SMG6: variants seen among roughly 807,000 people sequenced by gnomAD.
The protein encoded by SMG6 is telomerase-binding protein EST1A.
Under a neutral mutation model 142.2 loss-of-function variants are expected in SMG6, and 66 were observed. The observed-to-expected ratio is 0.46, with a 90% CI of 0.38 to 0.57. SMG6 has a LOEUF of 0.57. Ranked by LOEUF, SMG6 falls within the 20% of genes least tolerant of loss-of-function variation. The probability of loss-of-function intolerance (pLI) is 0.00; values close to 1 mark genes in which losing one functional copy is unlikely to be tolerated. For synonymous variants in SMG6, 779 were observed against 702.4 expected, an observed-to-expected ratio of 1.11 and a Z score of -1.72; for missense variants, 1,793 against 1,832.0, an observed-to-expected ratio of 0.98 and a Z score of 0.39.
At chr17:2,235,202 A>ATGGCC (rs2073615243) in intron 10 of SMG6, among the ~76,000 whole-genome samples, 1 of 152,210 alleles carries the variant, frequency 6.6e-6, no homozygotes, top group Non-Finnish European at 1.5e-5. Flanking sequence ...CATTTACCCA[A>ATGGCC]ATAGCCATCT....
At chr17:2,151,802 T>C (rs530817579) in intron 13 of SMG6, among the ~76,000 whole-genome samples, 3 of 152,238 alleles carry the variant, frequency 2.0e-5, no homozygotes, top group East Asian at 1.9e-4. Context: ...AAGAGACCCA[T>C]GGTGAGTATG....
chr17:2,273,607 C>T (rs543425145), intron 8 of SMG6, among the ~76,000 whole-genome samples: 95 of 151,928 alleles, frequency 6.3e-4, no homozygotes, highest in Admixed American at 1.3e-3. Context: ...CACTCCAGCC[C>T]GGGCAACAGT....
At position 2,186,797 on chromosome 17, in the gene SMG6, T is replaced by C. The variant is rs761395062; in HGVS notation, c.3021A>G (p.Gln1007=). Residue 1007 remains glutamine, a synonymous_variant, in exon 12 of 19, where the codon CAA becomes CAG. Coordinates refer to ENST00000263073, the MANE Select transcript of SMG6 (RefSeq NM_017575.5). ...CAAAGGAAGACACCTTGATGTCGTCTTGGTCATCCTGGTCCTCAGGAGAGG... is the reference window on the plus strand; with the variant it reads ...CAAAGGAAGACACCTTGATGTCGTCCTGGTCATCCTGGTCCTCAGGAGAGG... ...QLSSPEDQDD[Q]DDIKVSSFVP... is the part of the protein sequence containing the mutation. The C allele has an allele frequency of 1.2e-6, 2 of 1,614,088 alleles. No homozygotes were observed. The highest frequency in any genetic ancestry group is 1.3e-5 in the African/African-American group (1 of 74,944).
At chr17:2,084,619 C>T (rs1249048497) in intron 14 of SMG6, among the ~76,000 whole-genome samples, 1 of 152,242 alleles carries the variant, frequency 6.6e-6, no homozygotes, top group Non-Finnish European at 1.5e-5. Context: ...CTGTTGCTGA[C>T]TTCATCCCTG....
rs979088333 is a variant in SMG6, at chr17:2,110,970, G to T, written c.3358-25069C>A. 2.0e-5 allele frequency among the ~76,000 whole-genome samples: 3 copies of T among 152,304 alleles called. No individual in the cohort carries two copies. In the South Asian group the frequency reaches 6.2e-4, roughly 32 times the overall value. ...GAGCTGCCTGGTACATCTGAAGGCC[G>T]CTACGCCCACCTTCAGTGCCAGTTT... is the stretch of plus-strand genomic sequence containing the variant. On this transcript the variant is annotated intron_variant, in intron 13 of 18. Coordinates refer to ENST00000263073, the MANE Select transcript of SMG6 (RefSeq NM_017575.5).
At chr17:2,165,566 C>A (rs1470219542) in intron 13 of SMG6, among the ~76,000 whole-genome samples, 1 of 152,166 alleles carries the variant, frequency 6.6e-6, no homozygotes, top group Non-Finnish European at 1.5e-5. Flanking sequence ...ATTTTAGAGT[C>A]TTTTGTATTT....
intron 13 of SMG6, among the ~76,000 whole-genome samples, chr17:2,090,297 G>C (rs2068682105): frequency 6.6e-6 from 1 of 152,044 alleles, no homozygotes; most frequent in African/African-American, 2.4e-5. Context: ...TGCCCGGCGG[G>C]GGAGGGGGGT....
At chr17:2,162,152 T>C (rs191338214) in intron 13 of SMG6, among the ~76,000 whole-genome samples, 1 of 152,312 alleles carries the variant, frequency 6.6e-6, no homozygotes, top group African/African-American at 2.4e-5. Flanking sequence ...TGGAAATATA[T>C]ATTTATTGCT....
chr17:2,303,187 G>A (rs1334768042), intron 1 of SMG6: 1 of 985,324 alleles, frequency 1.0e-6, no homozygotes, highest in African/African-American at 1.7e-5. Flanking sequence ...CAACGAAGTC[G>A]CAGGCTCTTA....
In SMG6 at chr17:2,198,950, TAAA is replaced by T. The variant is rs55660022; in HGVS notation, c.2870-10438_2870-10436del. 1.8e-3 allele frequency among the ~76,000 whole-genome samples: 181 copies of T among 102,104 alleles called. 2 individuals are homozygous for T. The highest frequency in any genetic ancestry group is 2.2e-3 in the East Asian group (7 of 3,244). 67.0% of individuals were successfully genotyped at this position (102,104 alleles called of 152,430 possible). On this transcript the variant is annotated intron_variant, in intron 10 of 18. Transcript: ENST00000263073. ...AACCAGAAGGAAAATAAAATAAAAT[TAAA>T]AAAAAAAAAAAAAAAAAAAAAGAAA... is the stretch of plus-strand genomic sequence containing the variant.
At chr17:2,079,253 C>T (rs916488056) in intron 15 of SMG6, among the ~76,000 whole-genome samples, 2 of 152,208 alleles carry the variant, frequency 1.3e-5, no homozygotes, top group Non-Finnish European at 2.9e-5. Context: ...CGTGAGCCAC[C>T]GTGCCTGGCC....
At chr17:2,230,920 T>C (rs216212) in intron 10 of SMG6, among the ~76,000 whole-genome samples, 93,801 of 151,568 alleles carry the variant, frequency 0.62, 29,318 homozygotes, top group East Asian at 0.74. Flanking sequence ...CAGGTGGCAA[T>C]GATTCCCTAC....
intron 10 of SMG6, among the ~76,000 whole-genome samples, chr17:2,193,659 G>C (rs183173118): frequency 6.6e-6 from 1 of 152,152 alleles, no homozygotes; most frequent in African/African-American, 2.4e-5. Flanking sequence ...ATCCTGTCTG[G>C]GAGAAGAAGA....
In SMG6 at chr17:2,068,639, G is replaced by C; in HGVS notation, c.3835+139C>G. 2.5e-6 allele frequency: 2 copies of C among 797,014 alleles called. No individual in the cohort carries two copies. The highest frequency in any genetic ancestry group is 3.9e-6 in the Non-Finnish European group (2 of 512,430). 49.4% of individuals were successfully genotyped at this position (797,014 alleles called of 1,614,324 possible). On this transcript the variant is annotated intron_variant, in intron 16 of 18. Coordinates refer to ENST00000263073, the MANE Select transcript of SMG6 (RefSeq NM_017575.5). The surrounding 1 kb of genome is among the most constrained non-coding windows in gnomAD (Gnocchi z 6.7). ...TATTAAACAGTTTTCTTTGCCCCAC[G>C]CGTTCCCTACTCCCCTGCAAATCCC...
intron 12 of SMG6, among the ~76,000 whole-genome samples, chr17:2,186,294 A>G (rs749515996): frequency 8.6e-5 from 13 of 152,024 alleles, no homozygotes; most frequent in Non-Finnish European, 1.8e-4. Flanking sequence ...AGAAAAACTA[A>G]TAAGAGAAGA....
chr17:2,282,604 T>A, intron 8 of SMG6, 43 bp downstream of exon 8: 1 of 1,593,616 alleles, frequency 6.3e-7, no homozygotes, highest in Non-Finnish European at 8.6e-7. Context: ...CACCCAGGCT[T>A]ACTGAGCTAG....
At chr17:2,128,914 A>G (rs1357120923) in intron 13 of SMG6, among the ~76,000 whole-genome samples, 1 of 152,162 alleles carries the variant, frequency 6.6e-6, no homozygotes, top group Non-Finnish European at 1.5e-5. Flanking sequence ...GCATGCAAGC[A>G]GCAGAGTAAA....
In SMG6 at chr17:2,065,092, G is replaced by A. The variant is rs916654576; in HGVS notation, c.4110C>T (p.Asp1370=). Residue 1370 remains aspartate (D), a synonymous_variant, in exon 18 of 19, where the codon GAC becomes GAT. Transcript: ENST00000263073. ...CLHYCKDKAK[D]FMPASKEEPI... Reference sequence around the variant, plus strand: ...CTGTACCTTTGCTGGCGGGCATGAAGTCCTTAGCCTTGTCTTTGCAGTAGT... The same window carrying A: ...CTGTACCTTTGCTGGCGGGCATGAAATCCTTAGCCTTGTCTTTGCAGTAGT... 1 of 1,613,872 alleles carries A rather than the reference G, an allele frequency of 6.2e-7. No individual in the cohort carries two copies.
intron 13 of SMG6, among the ~76,000 whole-genome samples, chr17:2,105,580 C>T (rs146475023): frequency 1.2e-4 from 18 of 152,106 alleles, no homozygotes; most frequent in Admixed American, 5.9e-4. Flanking sequence ...AACACTTGCC[C>T]AGACTCAGCA....
Sources: gnomAD v4.1 joint callset for allele counts (sites outside exome capture counted in the v4.1 genomes callset) on GRCh38, gnomAD v4.1.1 for gene constraint, Gnocchi (gnomAD v3.1) non-coding constraint, MANE v1.5 for transcripts, NCBI Gene and HGNC (gene_info 2026-07-23, HGNC 2026-07-21) for gene names.